MUSK: variants seen among roughly 807,000 people sequenced by gnomAD.
The protein encoded by MUSK is muscle associated receptor tyrosine kinase, also known as muscle, skeletal receptor tyrosine-protein kinase.
In MUSK, 55 loss-of-function variants were observed where a neutral mutation model predicts 88.7. The ratio of observed to expected loss-of-function variants is 0.62; its 90% CI spans 0.50 to 0.78. MUSK has a LOEUF of 0.78. Ranked by LOEUF, MUSK falls within the 30% of genes least tolerant of loss-of-function variation. The pLI is 0.00. For synonymous variants in MUSK, 387 were observed against 391.9 expected, an observed-to-expected ratio of 0.99 and a Z score of 0.15; for missense variants, 1,015 against 1,074.3, an observed-to-expected ratio of 0.94 and a Z score of 0.77.
At chr9:110,751,156 A>G (rs1240420673) in intron 7 of MUSK, among the ~76,000 whole-genome samples, 1 of 152,222 alleles carries the variant, frequency 6.6e-6, no homozygotes, top group Non-Finnish European at 1.5e-5. Flanking sequence ...AGATGCCGAG[A>G]GGACTACAGG....
chr9:110,784,447 G>A (rs906555920), intron 11 of MUSK, among the ~76,000 whole-genome samples: 4 of 151,840 alleles, frequency 2.6e-5, no homozygotes, highest in Non-Finnish European at 5.9e-5. Flanking sequence ...GTATATAAAA[G>A]CTCAGCTCTA....
At chr9:110,745,698 C>T (rs1469993878) in intron 6 of MUSK, among the ~76,000 whole-genome samples, 1 of 152,140 alleles carries the variant, frequency 6.6e-6, no homozygotes, top group Admixed American at 6.5e-5. Flanking sequence ...CTCTTAAAAA[C>T]ATTTTTCTCT....
At chr9:110,759,776 A>G (rs1200372156) in intron 7 of MUSK, among the ~76,000 whole-genome samples, 2 of 152,220 alleles carry the variant, frequency 1.3e-5, no homozygotes, top group Non-Finnish European at 2.9e-5. Context: ...ATGAGATACC[A>G]TGTCACTCCA....
At chr9:110,692,607 C>T (rs2076371914) in intron 3 of MUSK, among the ~76,000 whole-genome samples, 1 of 151,844 alleles carries the variant, frequency 6.6e-6, no homozygotes, top group Admixed American at 6.6e-5. Flanking sequence ...ATTCTACTCT[C>T]TTGAAGATTC....
chr9:110,678,265 C>T (rs1454272017), intron 1 of MUSK, among the ~76,000 whole-genome samples: 2 of 152,026 alleles, frequency 1.3e-5, no homozygotes, highest in Non-Finnish European at 2.9e-5. Flanking sequence ...ATGTGTGCCA[C>T]CTGTACCCGG....
chr9:110,736,613 T>A (rs1483420687), intron 6 of MUSK, among the ~76,000 whole-genome samples: 1 of 152,096 alleles, frequency 6.6e-6, no homozygotes, highest in Non-Finnish European at 1.5e-5. Flanking sequence ...TTGAGTGAGA[T>A]GAGGTGCCAC....
intron 5 of MUSK, among the ~76,000 whole-genome samples, chr9:110,701,465 T>A (rs1370679475): frequency 6.6e-6 from 1 of 152,022 alleles, no homozygotes; most frequent in Middle Eastern, 3.2e-3. Flanking sequence ...TTTCTTTTCT[T>A]TTCTTTCTTT....
intron 5 of MUSK, among the ~76,000 whole-genome samples, chr9:110,702,137 T>TA (rs1179236817): frequency 6.6e-6 from 1 of 151,582 alleles, no homozygotes; most frequent in African/African-American, 2.4e-5. Flanking sequence ...CAAGATAATA[T>TA]GAAAATCTTC....
intron 5 of MUSK, chr9:110,706,227 A>G (rs2076596830): frequency 5.3e-6 from 2 of 378,222 alleles, no homozygotes; most frequent in Admixed American, 3.6e-5. Flanking sequence ...TTTTAACTAG[A>G]AATTTTCCTT....
chr9:110,684,033 T>C (rs975639042), intron 2 of MUSK, among the ~76,000 whole-genome samples: 2 of 152,048 alleles, frequency 1.3e-5, no homozygotes, highest in African/African-American at 2.4e-5. Flanking sequence ...TGCCTGTGGG[T>C]ATCTCTCAAG....
At chr9:110,719,116 T>G (rs1034189181) in intron 5 of MUSK, among the ~76,000 whole-genome samples, 1 of 152,010 alleles carries the variant, frequency 6.6e-6, no homozygotes, top group African/African-American at 2.4e-5. Context: ...AAATAGAACC[T>G]CTTTAAAGTT....
At chr9:110,783,034 C>T (rs180887430) in intron 11 of MUSK, among the ~76,000 whole-genome samples, 5 of 152,098 alleles carry the variant, frequency 3.3e-5, no homozygotes, top group South Asian at 2.1e-4. Flanking sequence ...CATACATGAG[C>T]GTCTCTTGTA....
intron 9 of MUSK, among the ~76,000 whole-genome samples, chr9:110,770,751 T>TC (rs889111010): frequency 4.0e-5 from 6 of 151,032 alleles, no homozygotes; most frequent in African/African-American, 1.5e-4. Context: ...CTTTCTTACT[T>TC]TTTTTTAATT....
chr9:110,787,129 G>A (rs376728053), intron 13 of MUSK, among the ~76,000 whole-genome samples: 4 of 152,102 alleles, frequency 2.6e-5, no homozygotes, highest in African/African-American at 4.8e-5. Flanking sequence ...TTGGGAGGCC[G>A]AGGTGGTCAT....
At chr9:110,783,148 A>G (rs185803344) in intron 11 of MUSK, among the ~76,000 whole-genome samples, 1 of 152,306 alleles carries the variant, frequency 6.6e-6, no homozygotes, top group East Asian at 1.9e-4. Context: ...GTCCCCTTCT[A>G]TTAAATCATT....
chr9:110,766,361 C>T (rs1281734256), intron 8 of MUSK, among the ~76,000 whole-genome samples: 1 of 152,174 alleles, frequency 6.6e-6, no homozygotes, highest in Non-Finnish European at 1.5e-5. Context: ...GGGGTTTTCT[C>T]ACCTTTACCT....
At chr9:110,725,984 A>G (rs1206919423) in intron 5 of MUSK, among the ~76,000 whole-genome samples, 2 of 151,980 alleles carry the variant, frequency 1.3e-5, no homozygotes, top group Non-Finnish European at 2.9e-5. Flanking sequence ...AATGACCAAA[A>G]AAGTCATACA....
intron 7 of MUSK, among the ~76,000 whole-genome samples, chr9:110,755,124 G>A (rs1445172694): frequency 2.0e-5 from 3 of 152,154 alleles, no homozygotes; most frequent in African/African-American, 7.2e-5. Flanking sequence ...TTGGAGTCCT[G>A]CAAATGTTAG....
chr9:110,695,597 C>T (rs978348997), intron 4 of MUSK, 67 bp downstream of exon 4: 2 of 1,219,686 alleles, frequency 1.6e-6, no homozygotes, highest in African/African-American at 2.5e-5. Flanking sequence ...TCTTTACACA[C>T]TCAGTTACAC....
Sources: gnomAD v4.1 joint callset for allele counts (sites outside exome capture counted in the v4.1 genomes callset) on GRCh38, gnomAD v4.1.1 for gene constraint, MANE v1.5 for transcripts, NCBI Gene and HGNC (gene_info 2026-07-23, HGNC 2026-07-21) for gene names.